Variants in SORCS1 observed in about 807,000 individuals in gnomAD.
SORCS1 encodes sortilin related VPS10 domain containing receptor 1.
Under a neutral mutation model 146.1 loss-of-function variants are expected in SORCS1, and 60 were observed. That is an observed-to-expected ratio of 0.41 (90% CI 0.33 to 0.51). SORCS1 has a LOEUF of 0.51. SORCS1 is among the 20% of genes least tolerant of loss of function. SORCS1 has a pLI of 0.21. For synonymous variants in SORCS1, 637 were observed against 584.0 expected (o/e 1.09, Z -1.31); for missense variants, 1,352 against 1,487.6 (o/e 0.91, Z 1.50).
chr10:107,058,168 A>T (rs1960829899), intron 1 of SORCS1, among the ~76,000 whole-genome samples: 1 of 152,038 alleles, frequency 6.6e-6, no homozygotes, highest in African/African-American at 2.4e-5. Flanking sequence ...CAGCCTCCTG[A>T]GTAGCTGGGA....
intron 2 of SORCS1, among the ~76,000 whole-genome samples, chr10:106,877,504 A>G (rs1950634528): frequency 6.6e-6 from 1 of 152,166 alleles, no homozygotes; most frequent in South Asian, 2.1e-4. Context: ...CTGCACTCCA[A>G]TCAGGGTGAC....
intron 1 of SORCS1, among the ~76,000 whole-genome samples, chr10:107,074,726 A>G (rs1962736111): frequency 6.6e-6 from 1 of 151,994 alleles, no homozygotes; most frequent in Non-Finnish European, 1.5e-5. Flanking sequence ...AGTGTTCTCA[A>G]TTTTGGCCAT....
chr10:106,920,313 C>T (rs933545954), intron 2 of SORCS1, among the ~76,000 whole-genome samples: 4 of 152,178 alleles, frequency 2.6e-5, no homozygotes, highest in Non-Finnish European at 5.9e-5. Flanking sequence ...TTTTCTTCTT[C>T]GGGAGCAATC....
At chr10:107,142,334 G>A (rs1373023245) in intron 1 of SORCS1, among the ~76,000 whole-genome samples, 1 of 152,138 alleles carries the variant, frequency 6.6e-6, no homozygotes, top group Admixed American at 6.5e-5. Flanking sequence ...CAGAGAACCC[G>A]CGCTGCAAGA....
chr10:106,944,161 A>G (rs1344188539), intron 2 of SORCS1, among the ~76,000 whole-genome samples: 1 of 152,218 alleles, frequency 6.6e-6, no homozygotes, highest in Non-Finnish European at 1.5e-5. Flanking sequence ...AGGTGAATCC[A>G]TAACATGACA....
chr10:107,059,893 C>G (rs184438472), intron 1 of SORCS1, among the ~76,000 whole-genome samples: 2 of 151,622 alleles, frequency 1.3e-5, no homozygotes, highest in East Asian at 3.9e-4. Context: ...AAAAAAAACC[C>G]TCAGTAATCT....
intron 5 of SORCS1, among the ~76,000 whole-genome samples, chr10:106,754,446 A>ATTT (rs946970349): frequency 6.6e-6 from 1 of 152,132 alleles, no homozygotes; most frequent in Non-Finnish European, 1.5e-5. Flanking sequence ...TCTCTTTAAA[A>ATTT]TTTTTTTCTT....
At chr10:106,926,311 T>TAC (rs1953013831) in intron 2 of SORCS1, among the ~76,000 whole-genome samples, 1 of 152,200 alleles carries the variant, frequency 6.6e-6, no homozygotes, top group Non-Finnish European at 1.5e-5. Context: ...AATAATCGTG[T>TAC]GCCTTGAATA....
chr10:106,623,154 T>G (rs12218437), intron 19 of SORCS1, among the ~76,000 whole-genome samples: 10,314 of 152,100 alleles, frequency 0.068, 421 homozygotes, highest in East Asian at 0.19. Flanking sequence ...CTGCGTTAAA[T>G]GAATACATTA....
intron 1 of SORCS1, among the ~76,000 whole-genome samples, chr10:107,113,453 C>A (rs901110971): frequency 6.6e-6 from 1 of 152,058 alleles, no homozygotes; most frequent in Non-Finnish European, 1.5e-5. Context: ...CTTTGGGAGG[C>A]TGAGGCAGAT....
chr10:106,834,444 C>T (rs117444412), intron 2 of SORCS1, among the ~76,000 whole-genome samples: 1,836 of 152,004 alleles, frequency 0.012, 17 homozygotes, highest in Admixed American at 0.018. Flanking sequence ...ATATTTCATG[C>T]GACATTTTCC....
chr10:107,102,788 T>C (rs2092673569), intron 1 of SORCS1, among the ~76,000 whole-genome samples: 1 of 152,120 alleles, frequency 6.6e-6, no homozygotes, highest in Non-Finnish European at 1.5e-5. Context: ...TTTTAAAGAG[T>C]ATATAGTATA....
At chr10:106,771,131 T>G (rs1488535911) in intron 4 of SORCS1, among the ~76,000 whole-genome samples, 1 of 152,188 alleles carries the variant, frequency 6.6e-6, no homozygotes, top group African/African-American at 2.4e-5. Context: ...ACGTCTCCGT[T>G]GCAAATCCTA....
chr10:106,671,441 A>T (rs1851594659), intron 15 of SORCS1, 74 bp from the exon 16 acceptor site: 1 of 1,586,838 alleles, frequency 6.3e-7, no homozygotes, highest in Non-Finnish European at 8.6e-7. Flanking sequence ...AGTGACATTT[A>T]GGGAGACATT....
At chr10:106,984,486 C>T (rs7073424) in intron 1 of SORCS1, among the ~76,000 whole-genome samples, 7,281 of 151,378 alleles carry the variant, frequency 0.048, 583 homozygotes, top group African/African-American at 0.16. Flanking sequence ...CTCCACCTCC[C>T]GGGTTCACAC....
In SORCS1 at chr10:106,818,512, C is replaced by T. The variant is rs373685149; in HGVS notation, c.726+11062G>A. On this transcript the variant is annotated intron_variant, in intron 3 of 25. Transcript: ENST00000263054. Reference sequence around the variant, plus strand: ...TCCCGAGTAGCTTGGACTACAGGCACGCACCACCAGGCCCAGCAAATTTTT... The same window carrying T: ...TCCCGAGTAGCTTGGACTACAGGCATGCACCACCAGGCCCAGCAAATTTTT... Among the ~76,000 whole-genome samples the T allele has an allele frequency of 5.9e-5, 9 of 152,002 alleles. No homozygotes were observed. In the South Asian group the frequency reaches 8.3e-4, roughly 14 times the overall value.
intron 1 of SORCS1, among the ~76,000 whole-genome samples, chr10:107,110,133 T>C (rs1965593398): frequency 6.6e-6 from 1 of 152,176 alleles, no homozygotes; most frequent in African/African-American, 2.4e-5. Flanking sequence ...AAATAGTCTG[T>C]AGGAAGTTCC....
intron 3 of SORCS1, among the ~76,000 whole-genome samples, chr10:106,810,606 C>G (rs899163001): frequency 1.3e-5 from 2 of 152,170 alleles, no homozygotes; most frequent in Admixed American, 1.3e-4. Flanking sequence ...TCTTTGAATA[C>G]ACCATAATAG....
chr10:106,994,856 A>G (rs1237937118), intron 1 of SORCS1, among the ~76,000 whole-genome samples: 2 of 152,218 alleles, frequency 1.3e-5, no homozygotes, highest in Non-Finnish European at 2.9e-5. Context: ...GGCAGGCACC[A>G]AAATGTATTT....
Sources: allele counts gnomAD v4.1 joint callset (sites outside exome capture counted in the v4.1 genomes callset), GRCh38; gene constraint gnomAD v4.1.1; transcripts MANE v1.5; gene names NCBI Gene and HGNC (gene_info 2026-07-23, HGNC 2026-07-21).